The following SEPTIN8 variants were observed in gnomAD, a reference collection of about 807,000 sequenced individuals.
SEPTIN8 encodes septin 8, also known as septin-8.
In SEPTIN8, 22 loss-of-function variants were observed where a neutral mutation model predicts 53.1. The observed-to-expected ratio is 0.41, with a 90% CI of 0.30 to 0.59. SEPTIN8 has a LOEUF of 0.59. Ranked by LOEUF, SEPTIN8 falls within the 20% of genes least tolerant of loss-of-function variation. SEPTIN8 has a pLI of 0.24. For synonymous variants in SEPTIN8, 228 were observed against 248.4 expected, an observed-to-expected ratio of 0.92 and a Z score of 0.77; for missense variants, 536 against 638.7, an observed-to-expected ratio of 0.84 and a Z score of 1.73.
In SEPTIN8 at chr5:132,762,790, G is replaced by A. The variant is rs993808878; in HGVS notation, c.535-145C>T. 13 of 864,600 alleles carry A rather than the reference G, an allele frequency of 1.5e-5. No homozygotes were observed. The Middle Eastern group carries it at 1.1e-3, about 70-fold the overall frequency. The allele number at this position is 864,600 out of a possible 1,614,324, so 53.6% of individuals were successfully genotyped here. A position where few individuals can be genotyped will look rare whatever the true frequency, so the allele number is the denominator to read the frequency against. ...GCCAGAGAGATGGAGCCACTCCCAC[G>A]GGCAGCCATAGTGCAAACCCAGCCA... On this transcript the variant is annotated intron_variant, in intron 4 of 9. Transcript: ENST00000378719.
intron 9 of SEPTIN8, chr5:132,759,087 A>C: frequency 6.5e-6 from 4 of 611,906 alleles, no homozygotes; most frequent in East Asian, 6.9e-5. Flanking sequence ...ACTCAAATAA[A>C]TGGTCATGAA....
intron 9 of SEPTIN8, chr5:132,754,462 G>A (rs1755154056): frequency 1.4e-6 from 1 of 717,340 alleles, no homozygotes; most frequent in African/African-American, 1.7e-5. Context: ...GACATCTGCT[G>A]CTTAACCAGG....
At position 132,757,337 on chromosome 5, in the gene SEPTIN8, C is replaced by G. The variant is rs540935176; in HGVS notation, c.1286+3465G>C. On this transcript the variant is annotated intron_variant, in intron 9 of 9. Transcript: ENST00000378719. ...CAGGTAAAGGCTGCCTCTTCCTGGC[C>G]GTGCCTCGGTGGACACACACAGCTC... The G allele has an allele frequency of 8.1e-6, 8 of 985,428 alleles. No homozygotes were observed. The East Asian group carries it at 9.1e-4, about 112-fold the overall frequency. The allele number at this position is 985,428 out of a possible 1,614,324, so 61.0% of individuals were successfully genotyped here.
intron 9 of SEPTIN8, chr5:132,757,011 G>A: frequency 1.0e-6 from 1 of 985,366 alleles, no homozygotes; most frequent in Non-Finnish European, 1.2e-6. Flanking sequence ...CTAGAGATGA[G>A]CCATTGGCAG....
chr5:132,771,668 C>G (rs1757331565), intron 1 of SEPTIN8, among the ~76,000 whole-genome samples: 1 of 152,218 alleles, frequency 6.6e-6, no homozygotes, highest in Non-Finnish European at 1.5e-5. Flanking sequence ...AGCCCCGGCT[C>G]CAGCTCCTCC....
In SEPTIN8 at chr5:132,761,358, C is replaced by T. The variant is rs562807533; in HGVS notation, c.963-93G>A. Reference sequence around the variant, plus strand: ...CCAGAGAAGTAGAATCATGTGGGCACGAGGGGTAAGAGGATGTGGGGTCCC... The same window carrying T: ...CCAGAGAAGTAGAATCATGTGGGCATGAGGGGTAAGAGGATGTGGGGTCCC... On this transcript the variant is annotated intron_variant, in intron 7 of 9. Transcript: ENST00000378719. The surrounding 1 kb of genome is among the most constrained non-coding windows in gnomAD (Gnocchi z 5.8). 2.4e-5 allele frequency: 38 copies of T among 1,592,072 alleles called. No homozygotes were observed. Among genetic ancestry groups the T allele is most frequent in the Middle Eastern group, 1.7e-4 (1 of 5,954 alleles).
intron 5 of SEPTIN8, 74 bp downstream of exon 5, chr5:132,762,410 T>C (rs981489572): frequency 5.5e-6 from 8 of 1,447,110 alleles, no homozygotes; most frequent in Non-Finnish European, 7.7e-6. Flanking sequence ...AAGAGTCTCC[T>C]GGGGCTGTGT....
chr5:132,752,750 G>A, intron 9 of SEPTIN8: 1 of 749,396 alleles, frequency 1.3e-6, no homozygotes, highest in South Asian at 1.7e-5. Context: ...GTGGTCCTTA[G>A]TTGGGTGGTT....
At chr5:132,775,366 C>T (rs528769756) in intron 1 of SEPTIN8, among the ~76,000 whole-genome samples, 1 of 152,210 alleles carries the variant, frequency 6.6e-6, no homozygotes, top group Admixed American at 6.5e-5. Flanking sequence ...GTCCTCACAT[C>T]CACGTGGACA....
In SEPTIN8 at chr5:132,769,524, C is replaced by T. The variant is rs547949898; in HGVS notation, c.31-3995G>A. On this transcript the variant is annotated intron_variant, in intron 1 of 9. Coordinates refer to ENST00000378719, the MANE Select transcript of SEPTIN8 (RefSeq NM_001098811.2). ...GGGAGCAGCACCTTAATAACAATGGCAACAACAACAGACATAACTAACATG... is the reference window on the plus strand; with the variant it reads ...GGGAGCAGCACCTTAATAACAATGGTAACAACAACAGACATAACTAACATG... Among the ~76,000 whole-genome samples, 25 of 152,228 alleles carry T rather than the reference C, an allele frequency of 1.6e-4. No homozygotes were observed. The South Asian group carries it at 3.9e-3, about 24-fold the overall frequency.
In SEPTIN8 at chr5:132,773,927, T is replaced by C. The variant is rs30528; in HGVS notation, c.30+3181A>G. ...AGGGAGGGCAGGCAGACTCACCTCC[T>C]GGGGGAGAGGGCAGAGCTGCAGCTC... On this transcript the variant is annotated intron_variant, in intron 1 of 9. Transcript: ENST00000378719. The surrounding 1 kb of genome is among the most constrained non-coding windows in gnomAD (Gnocchi z 4.2). The C allele has an allele frequency of 0.36, 54,444 of 152,262 alleles. 16,330 individuals are homozygous for C. Among genetic ancestry groups the C allele is most frequent in the African/African-American group, 0.79 (32,669 of 41,510 alleles). The allele number at this position is 152,262 out of a possible 1,614,324, so 9.4% of individuals were successfully genotyped here. A position where few individuals can be genotyped will look rare whatever the true frequency, so the allele number is the denominator to read the frequency against.
rs201065841 is a variant in SEPTIN8, at chr5:132,770,089, GTA to G, written c.31-4562_31-4561del. ...TATATATATATATATATGTATATAT[GTA>G]TATATATATGTATATATGTATATAT... On this transcript the variant is annotated intron_variant, in intron 1 of 9. Transcript: ENST00000378719. Among the ~76,000 whole-genome samples, 289 of 29,150 alleles carry G rather than the reference GTA, an allele frequency of 9.9e-3. 2 individuals are homozygous for G. The highest frequency in any genetic ancestry group is 0.019 in the South Asian group (21 of 1,096). 19.1% of individuals were successfully genotyped at this position (29,150 alleles called of 152,430 possible).
In SEPTIN8 at chr5:132,777,049, G is replaced by A; in HGVS notation, c.30+59C>T. 1.9e-6 allele frequency: 2 copies of A among 1,057,264 alleles called. No individual in the cohort carries two copies. The highest frequency in any genetic ancestry group is 1.7e-5 in the African/African-American group (1 of 59,418). 65.5% of individuals were successfully genotyped at this position (1,057,264 alleles called of 1,614,324 possible). A position where few individuals can be genotyped will look rare whatever the true frequency, so the allele number is the denominator to read the frequency against. On this transcript the variant is annotated intron_variant, in intron 1 of 9. Coordinates refer to ENST00000378719, the MANE Select transcript of SEPTIN8 (RefSeq NM_001098811.2). The surrounding 1 kb of genome is among the most constrained non-coding windows in gnomAD (Gnocchi z 4.1). ...GCTTCGCGCCCCCCGCCAGCTGCAG[G>A]GCGGCCCCTCCTGCGCCCCGCGCCT...
intron 1 of SEPTIN8, chr5:132,775,970 C>T (rs1488698478): frequency 6.6e-6 from 1 of 152,150 alleles, no homozygotes; most frequent in African/African-American, 2.4e-5. Flanking sequence ...TTTAGTCATG[C>T]ACATTTCCAA....
chr5:132,763,935 A>C, intron 3 of SEPTIN8, 43 bp from the exon 4 acceptor site: 1 of 1,415,720 alleles, frequency 7.1e-7, no homozygotes, highest in Non-Finnish European at 9.6e-7. Context: ...AGCTGAGATC[A>C]GGGGCTTGGG....
chr5:132,759,911 G>A (rs1755720186), intron 9 of SEPTIN8, among the ~76,000 whole-genome samples: 1 of 152,148 alleles, frequency 6.6e-6, no homozygotes. Context: ...GATCGCCAGG[G>A]AGAAGTGACT....
intron 9 of SEPTIN8, chr5:132,757,458 A>C: frequency 1.0e-6 from 1 of 985,480 alleles, no homozygotes; most frequent in Non-Finnish European, 1.2e-6. Flanking sequence ...CCAGACAGAA[A>C]GGGGGAAATG....
rs1757793571 is a variant in SEPTIN8, at chr5:132,776,369, G to C, written c.30+739C>G. ...GAAAGCCTTTAGTAAGTTGGCTGTC[G>C]GCAGGCTCAGGCCCAGTGAGACCCC... is the stretch of plus-strand genomic sequence containing the variant. On this transcript the variant is annotated intron_variant, in intron 1 of 9. Transcript: ENST00000378719. The surrounding 1 kb of genome is among the most constrained non-coding windows in gnomAD (Gnocchi z 4.4). Among the ~76,000 whole-genome samples, 1 of 152,160 alleles carries C rather than the reference G, an allele frequency of 6.6e-6. No homozygotes were observed. Among genetic ancestry groups the C allele is most frequent in the Non-Finnish European group, 1.5e-5 (1 of 68,036 alleles).
At chr5:132,777,305 G>A (rs1429333349), upstream of SEPTIN8, 5 of 1,087,476 alleles carry the variant, frequency 4.6e-6, no homozygotes, top group African/African-American at 5.0e-5. This position sits in a 1 kb window ranked among gnomAD's most constrained non-coding sequence, Gnocchi z 4.1. Flanking sequence ...CCGCGGAGCC[G>A]CCCCTGCCCC....
Sources: allele counts gnomAD v4.1 joint callset (sites outside exome capture counted in the v4.1 genomes callset), GRCh38; gene constraint gnomAD v4.1.1; non-coding constraint Gnocchi (gnomAD v3.1); transcripts MANE v1.5; gene names NCBI Gene and HGNC (gene_info 2026-07-23, HGNC 2026-07-21).